Variants in TLDC2 observed in about 807,000 individuals in gnomAD.
The protein encoded by TLDC2 is TBC/LysM-associated domain containing 2, also known as TLD domain-containing protein 2.
A neutral mutation model predicts 27.9 loss-of-function variants in TLDC2; 23 were observed. The observed-to-expected ratio is 0.82, with a 90% CI of 0.59 to 1.17. The LOEUF is 1.17. Among genes scored for constraint, TLDC2 ranks in the 50% most tolerant of loss-of-function variants. The pLI, the probability that TLDC2 is intolerant of heterozygous loss-of-function variation, is 0.00. For synonymous variants in TLDC2, 124 were observed against 107.4 expected (o/e 1.16, Z -0.96); for missense variants, 286 against 273.4 (o/e 1.05, Z -0.32).
chr20:36,878,862 TA>T (rs769339496), intron 2 of TLDC2, among the ~76,000 whole-genome samples, 178 bp from the exon 3 acceptor site: 1 of 152,030 alleles, frequency 6.6e-6, no homozygotes, highest in Non-Finnish European at 1.5e-5. Flanking sequence ...AAGATGGGAA[TA>T]ACAACCCCTA....
chr20:36,882,365 G>A (rs1366883459), intron 4 of TLDC2, among the ~76,000 whole-genome samples: 1 of 152,040 alleles, frequency 6.6e-6, no homozygotes, highest in Non-Finnish European at 1.5e-5. Context: ...AACAGAGCAA[G>A]ATGCCATTTT....
In TLDC2 at chr20:36,880,075, A is replaced by ATATATATGTATATATATATATGTGTGTG. The variant is rs1568748415; in HGVS notation, c.343-573_343-572insGTATATATATATATGTGTGTGTATATAT. 1.4e-3 allele frequency among the ~76,000 whole-genome samples: 56 copies of ATATATATGTATATATATATATGTGTGTG among 39,986 alleles called. 4 individuals are homozygous for ATATATATGTATATATATATATGTGTGTG. The highest frequency in any genetic ancestry group is 0.019 in the Middle Eastern group (1 of 52). The allele number at this position is 39,986 out of a possible 152,430, so 26.2% of individuals were successfully genotyped here. ...TTGTGTAGAATATATATATACATAT[A>ATATATATGTATATATATATATGTGTGTG]TATATATATATATATATATATATAT... On this transcript the variant is annotated intron_variant, in intron 3 of 6. Transcript: ENST00000217320.
chr20:36,880,631 C>T (rs1329726201), intron 3 of TLDC2, 24 bp from the exon 4 acceptor site: 1 of 1,605,382 alleles, frequency 6.2e-7, no homozygotes, highest in East Asian at 2.2e-5. Context: ...CTTCCAGCTG[C>T]AGACTACAAC....
chr20:36,886,068 G>A (rs1199261349), intron 4 of TLDC2, among the ~76,000 whole-genome samples: 1 of 152,194 alleles, frequency 6.6e-6, no homozygotes, highest in Non-Finnish European at 1.5e-5. Context: ...CAATAAGGGG[G>A]AGAAGGGGCC....
chr20:36,885,502 C>T (rs951574028), intron 4 of TLDC2, among the ~76,000 whole-genome samples: 3 of 152,172 alleles, frequency 2.0e-5, no homozygotes, highest in Non-Finnish European at 4.4e-5. Context: ...GGTCTCAATT[C>T]CTTCCACAGC....
At chr20:36,880,963 G>A (rs969254239) in intron 4 of TLDC2, among the ~76,000 whole-genome samples, 2 of 152,184 alleles carry the variant, frequency 1.3e-5, no homozygotes, top group Admixed American at 6.5e-5. Flanking sequence ...TCTGGCAACC[G>A]CTGACTGGCT....
rs1989999147 is a variant in TLDC2, at chr20:36,889,255, C to T, written c.517C>T (p.Arg173Trp). The T allele has an allele frequency of 2.6e-5, 42 of 1,613,890 alleles. No homozygotes were observed. In the East Asian group the frequency reaches 5.6e-4, roughly 21 times the overall value. ...AGACTGTCCTCTTCTCTCTAGTGGC[C>T]GGTTTGGGCTGTGGTTGGATGGAGA... ...DSLMMGSGSG[R>W]FGLWLDGDLF... The change falls in exon 6 of 7, where the codon CGG becomes TGG. Residue 173 changes from arginine (R) to tryptophan (W), a missense_variant. Arg to Trp is a moderately radical substitution (Grantham distance 101). Coordinates refer to ENST00000217320, the MANE Select transcript of TLDC2 (RefSeq NM_080628.3).
chr20:36,879,200 TG>T lies in TLDC2; in HGVS notation c.342+10del. ...CAGGGACCAGGACGGGCAGGTGAGC[TG>T]GGCAGGGGCACCACCCGAGGCTCTG... On this transcript the variant is annotated splice_region_variant and intron_variant, in intron 3 of 6. Transcript: ENST00000217320. 2 of 1,610,380 alleles carry T rather than the reference TG, an allele frequency of 1.2e-6. No homozygotes were observed. Among genetic ancestry groups the T allele is most frequent in the Non-Finnish European group, 8.5e-7 (1 of 1,178,856 alleles).
intron 4 of TLDC2, among the ~76,000 whole-genome samples, chr20:36,886,449 C>T (rs1247379179): frequency 1.3e-5 from 2 of 151,700 alleles, no homozygotes; most frequent in Admixed American, 6.6e-5. Context: ...AAAAGTTAGC[C>T]GGGCGTGGTG....
At chr20:36,888,508 C>T (rs1989976993) in intron 5 of TLDC2, among the ~76,000 whole-genome samples, 1 of 149,668 alleles carries the variant, frequency 6.7e-6, no homozygotes, top group Non-Finnish European at 1.5e-5. Context: ...AGATCGAGAC[C>T]GTCCTGGCTA....
At position 36,878,100 on chromosome 20, in the gene TLDC2, G is replaced by A. The variant is rs1277100883; in HGVS notation, c.189+46G>A. ...ACAAGAATTTCAGCCCTAAACCTAA[G>A]AGTCTCACCCTCCTGCCCTACACCA... On this transcript the variant is annotated intron_variant, in intron 2 of 6. Coordinates refer to ENST00000217320, the MANE Select transcript of TLDC2 (RefSeq NM_080628.3). 2.5e-6 allele frequency: 4 copies of A among 1,579,602 alleles called. No homozygotes were observed. In the African/African-American group the frequency reaches 5.4e-5, roughly 21 times the overall value.
intron 1 of TLDC2, among the ~76,000 whole-genome samples, chr20:36,877,150 C>CGAAGG (rs1372773608): frequency 2.6e-5 from 4 of 151,962 alleles, no homozygotes; most frequent in African/African-American, 7.3e-5. Context: ...CTTTGGGAGG[C>CGAAGG]CAGGTGGATC....
Position 36,877,396 on chromosome 20 carries a change from AG to A in TLDC2, c.34-501del, listed in dbSNP as rs141937331. 1.3e-4 allele frequency among the ~76,000 whole-genome samples: 20 copies of A among 148,658 alleles called. 1 individual carries two copies. Among genetic ancestry groups the A allele is most frequent in the African/African-American group, 3.7e-4 (15 of 40,450 alleles). On this transcript the variant is annotated intron_variant, in intron 1 of 6. Coordinates refer to ENST00000217320, the MANE Select transcript of TLDC2 (RefSeq NM_080628.3). ...ACCCTGTCTCAAAAAAAAAAAAAAAAGGAAAAAGAAAAAAGAAGAAGAAACA... is the reference window on the plus strand; with the variant it reads ...ACCCTGTCTCAAAAAAAAAAAAAAAAGAAAAAGAAAAAAGAAGAAGAAACA...
chr20:36,876,970 C>G (rs922025877), intron 1 of TLDC2, among the ~76,000 whole-genome samples: 2 of 152,216 alleles, frequency 1.3e-5, no homozygotes, highest in African/African-American at 4.8e-5. Context: ...TTCGCACAGA[C>G]AAACACATTT....
At position 36,893,530 on chromosome 20, in the gene TLDC2, T is replaced by G. The variant is rs191776064; in HGVS notation, c.*686T>G. 375 of 274,146 alleles carry G rather than the reference T, an allele frequency of 1.4e-3. 2 individuals are homozygous for G. The highest frequency in any genetic ancestry group is 1.9e-3 in the Non-Finnish European group (277 of 147,364). 17.0% of individuals were successfully genotyped at this position (274,146 alleles called of 1,614,324 possible). ...TTTAAATTTTTCTCTGCATCAAAGC[T>G]CTAACGTTGGTCCCATCAGCATAGG... On this transcript the variant is annotated 3_prime_UTR_variant, in exon 7 of 7. Transcript: ENST00000217320.
rs776342334 is a variant in TLDC2 at position 36,879,082 on chromosome 20, G to C, written c.231G>C (p.Trp77Cys). 7 of 1,614,170 alleles carry C rather than the reference G, an allele frequency of 4.3e-6. No homozygotes were observed. The Admixed American group carries it at 1.0e-4, about 23-fold the overall frequency. Residue 77 changes from tryptophan (W) to cysteine (C), a missense_variant, in exon 3 of 7, where the codon TGG (tryptophan) becomes TGC (cysteine). Transcript: ENST00000217320. ...CACCAAGAGTCACCGGCCATCCCTG[G>C]AGTCTGGTCTTCTGCACGTCAAGGG... ...HFPPRVTGHP[W>C]SLVFCTSRDG...
At chr20:36,889,926 T>C (rs1387200561) in intron 6 of TLDC2, 1 of 152,286 alleles carries the variant, frequency 6.6e-6, no homozygotes, top group East Asian at 1.9e-4. Context: ...TGTGTGTGTG[T>C]GTGTATACTT....
intron 1 of TLDC2, 25 bp downstream of exon 1, chr20:36,876,232 G>C (rs1379947879): frequency 3.1e-6 from 5 of 1,614,022 alleles, no homozygotes; most frequent in Non-Finnish European, 3.4e-6. Context: ...TCCGTCTGTG[G>C]TGCAGGTTGG....
At chr20:36,883,089 A>G (rs931106442) in intron 4 of TLDC2, among the ~76,000 whole-genome samples, 1 of 150,704 alleles carries the variant, frequency 6.6e-6, no homozygotes, top group African/African-American at 2.4e-5. Context: ...AAACTCACGT[A>G]TATCCAACAA....
Sources: allele counts gnomAD v4.1 joint callset (sites outside exome capture counted in the v4.1 genomes callset), GRCh38; gene constraint gnomAD v4.1.1; transcripts MANE v1.5; gene names NCBI Gene and HGNC (gene_info 2026-07-23, HGNC 2026-07-21).